The following PZP variants were observed in gnomAD, a reference collection of about 807,000 sequenced individuals.
PZP encodes PZP alpha-2-macroglobulin like.
In PZP, 150 loss-of-function variants were observed where a neutral mutation model predicts 179.8. The observed-to-expected ratio is 0.83, with a 90% CI of 0.73 to 0.96. The LOEUF (loss-of-function observed/expected upper bound fraction) is 0.96, where lower values mean the gene tolerates loss of function less well. PZP is among the 40% of genes least tolerant of loss of function. PZP has a pLI of 0.00. For synonymous variants in PZP, 624 were observed against 652.3 expected (o/e 0.96, Z 0.66); for missense variants, 1,689 against 1,764.0 (o/e 0.96, Z 0.76).
At chr12:9,192,429 A>T in intron 12 of PZP, 83 bp downstream of exon 12, 1 of 1,362,784 alleles carries the variant, frequency 7.3e-7, no homozygotes, top group East Asian at 2.3e-5. Context: ...GTGTGCAAGT[A>T]GTTTATTTTG....
chr12:9,195,386 C>A (rs1329222207), intron 10 of PZP, among the ~76,000 whole-genome samples: 1 of 151,780 alleles, frequency 6.6e-6, no homozygotes, highest in African/African-American at 2.4e-5. Flanking sequence ...TTCCCTTCCC[C>A]TTCCCCTGGC....
chr12:9,159,512 A>T (rs150866240), intron 25 of PZP, among the ~76,000 whole-genome samples: 1 of 152,176 alleles, frequency 6.6e-6, no homozygotes, highest in African/African-American at 2.4e-5. Context: ...TGATTGGCTC[A>T]TGAGGGTTCT....
chr12:9,152,251 C>T lies in PZP; in HGVS notation c.4181G>A (p.Gly1394Asp), dbSNP rs2120521877. ...TACTGTTGGTTTCAGGGGAATAAAACCAGATACCATCTTTACATCAACAAT... is the reference window on the plus strand; with the variant it reads ...TACTGTTGGTTTCAGGGGAATAAAATCAGATACCATCTTTACATCAACAAT... ...MVIVDVKMVS[G>D]FIPLKPTVKM... Residue 1394 changes from glycine (G) to aspartate (D), a missense_variant, in exon 32 of 36, where the codon GGT (glycine) becomes GAT (aspartate). By Grantham distance (94) the Gly-to-Asp change is moderately conservative. Coordinates refer to ENST00000261336, the MANE Select transcript of PZP (RefSeq NM_002864.3). 6.2e-7 allele frequency: 1 copy of T among 1,612,732 alleles called. No homozygotes were observed. The highest frequency in any genetic ancestry group is 8.5e-7 in the Non-Finnish European group (1 of 1,178,844).
Position 9,157,872 on chromosome 12 carries a change from CA to C in PZP, c.3295-32del, listed in dbSNP as rs759372350. 2.6e-6 allele frequency: 4 copies of C among 1,559,172 alleles called. No individual in the cohort carries two copies. The African/African-American group carries it at 5.4e-5, about 21-fold the overall frequency. ...AATACAACATTGATTTGATTAATTCCAGTGCCAAGTGTTAGTATATTCTCTT... is the reference window on the plus strand; with the variant it reads ...AATACAACATTGATTTGATTAATTCCGTGCCAAGTGTTAGTATATTCTCTT... On this transcript the variant is annotated intron_variant, in intron 26 of 35. Transcript: ENST00000261336.
intron 13 of PZP, among the ~76,000 whole-genome samples, chr12:9,190,928 TGTAA>T (rs1943424274): frequency 6.6e-6 from 1 of 152,136 alleles, no homozygotes; most frequent in Admixed American, 6.6e-5. Flanking sequence ...ATCATAGAGG[TGTAA>T]GTGCTTTTGA....
chr12:9,165,040 C>T (rs1345144633), intron 19 of PZP, 99 bp downstream of exon 19: 1 of 1,416,256 alleles, frequency 7.1e-7, no homozygotes, highest in Non-Finnish European at 9.9e-7. Context: ...CACACAATCC[C>T]TTGAATTATC....
intron 13 of PZP, among the ~76,000 whole-genome samples, chr12:9,184,826 C>A (rs1005555226): frequency 6.6e-6 from 1 of 152,190 alleles, no homozygotes; most frequent in Non-Finnish European, 1.5e-5. Context: ...TCCCTGCCTC[C>A]ACTGCCCCCA....
At chr12:9,143,399 C>T in the PZP span, among the ~76,000 whole-genome samples, 2,741 of 151,958 alleles carry the variant, frequency 0.018, 69 homozygotes, top group African/African-American at 0.057. Context: ...GCTGAGGGTT[C>T]GGACAGGCAA....
At chr12:9,171,339 CA>C (rs1941986275) in intron 15 of PZP, among the ~76,000 whole-genome samples, 1 of 152,126 alleles carries the variant, frequency 6.6e-6, no homozygotes, top group Non-Finnish European at 1.5e-5. Context: ...AGACCTAACA[CA>C]AATCTAATTC....
intron 13 of PZP, among the ~76,000 whole-genome samples, chr12:9,184,636 C>T (rs1427158178): frequency 1.3e-5 from 2 of 152,248 alleles, no homozygotes; most frequent in Admixed American, 1.3e-4. Context: ...TACCATCCTG[C>T]AAAGTGCTTT....
chr12:9,171,652 C>G lies in PZP; in HGVS notation c.1840-2061G>C, dbSNP rs183482646. On this transcript the variant is annotated intron_variant, in intron 15 of 35. Transcript: ENST00000261336. ...CAGTTTAGAGAGGAACATAACTGACCTGATGGAGCTGAAAACCGCATCTCA... is the reference window on the plus strand; with the variant it reads ...CAGTTTAGAGAGGAACATAACTGACGTGATGGAGCTGAAAACCGCATCTCA... Among the ~76,000 whole-genome samples the G allele has an allele frequency of 4.9e-4, 74 of 152,242 alleles. No homozygotes were observed. The East Asian group carries it at 6.4e-3, about 13-fold the overall frequency.
At chr12:9,165,401 T>A in intron 18 of PZP, 34 bp from the exon 19 acceptor site, 1 of 1,610,180 alleles carries the variant, frequency 6.2e-7, no homozygotes. Flanking sequence ...ACAGAAATAA[T>A]GAATGTAAGC....
chr12:9,175,417 T>C (rs761973681), intron 15 of PZP, among the ~76,000 whole-genome samples: 1 of 152,032 alleles, frequency 6.6e-6, no homozygotes, highest in Non-Finnish European at 1.5e-5. Flanking sequence ...GATTTCATGA[T>C]GAAAATGCCA....
At chr12:9,168,599 A>G (rs1431271873) in intron 17 of PZP, 1 of 324,462 alleles carries the variant, frequency 3.1e-6, no homozygotes, top group Admixed American at 4.8e-5. Flanking sequence ...CTTTCTTTCC[A>G]TTGTCAGCAT....
At chr12:9,184,669 G>A (rs1301817483) in intron 13 of PZP, among the ~76,000 whole-genome samples, 2 of 152,234 alleles carry the variant, frequency 1.3e-5, no homozygotes, top group Non-Finnish European at 2.9e-5. Context: ...CCATGGAAGT[G>A]TTGTGACCAG....
intron 4 of PZP, among the ~76,000 whole-genome samples, chr12:9,201,610 T>C (rs1387280266): frequency 1.3e-5 from 2 of 152,176 alleles, no homozygotes; most frequent in African/African-American, 4.8e-5. Flanking sequence ...TCTTTAAGTA[T>C]TAATATTATT....
At chr12:9,194,754 G>A (rs1330967332) in intron 10 of PZP, among the ~76,000 whole-genome samples, 3 of 152,068 alleles carry the variant, frequency 2.0e-5, no homozygotes, top group East Asian at 3.9e-4. Flanking sequence ...GTGAGCCACC[G>A]TGCCCGGCCA....
chr12:9,207,637 A>G (rs1190549999), intron 1 of PZP, among the ~76,000 whole-genome samples: 2 of 152,208 alleles, frequency 1.3e-5, no homozygotes, highest in Admixed American at 1.3e-4. Context: ...TCAGACTGAC[A>G]GTAGCCAAGA....
Position 9,200,386 on chromosome 12 carries a change from C to T in PZP, c.733G>A (p.Val245Met). ...PKIISIMDEKVNITVCGEYTY... is the reference protein window; with the variant it reads ...PKIISIMDEKMNITVCGEYTY... ...CACTCTCCACAGACTGTTATGTTCA[C>T]TTTTTCATCCATGATACTGATTATC... The change falls in exon 7 of 36, where the codon GTG becomes ATG. Residue 245 changes from valine to methionine, a missense_variant. This residue lies in a region of PZP where 742 missense variants were observed against 730.5 expected (regional missense o/e 1.02). Transcript: ENST00000261336. 1 of 1,610,212 alleles carries T rather than the reference C, an allele frequency of 6.2e-7. No homozygotes were observed. The highest frequency in any genetic ancestry group is 1.7e-4 in the Middle Eastern group (1 of 6,050).
Sources: gnomAD v4.1 joint callset for allele counts (sites outside exome capture counted in the v4.1 genomes callset) on GRCh38, gnomAD v4.1.1 for gene constraint, gnomAD v4.1.1 regional missense constraint, MANE v1.5 for transcripts, NCBI Gene and HGNC (gene_info 2026-07-23, HGNC 2026-07-21) for gene names.